The following MCU variants were observed in gnomAD, a reference collection of about 807,000 sequenced individuals.
MCU encodes calcium uniporter protein, mitochondrial.
Under a neutral mutation model 45.2 loss-of-function variants are expected in MCU, and 12 were observed. That is an observed-to-expected ratio of 0.27 (90% CI 0.17 to 0.43). The LOEUF is 0.43. MCU is among the 20% of genes least tolerant of loss of function. The pLI is 1.00. For missense variants in MCU, 324 were observed against 436.7 expected (o/e 0.74, Z 2.30); for synonymous variants, 160 against 165.1 (o/e 0.97, Z 0.24).
intron 1 of MCU, among the ~76,000 whole-genome samples, chr10:72,693,849 C>A (rs181636593): frequency 4.6e-5 from 7 of 152,352 alleles, no homozygotes; most frequent in African/African-American, 1.4e-4. Context: ...CGTCGAACTA[C>A]TTAAAGGCTT....
chr10:72,752,074 C>T (rs185523122), intron 1 of MCU, among the ~76,000 whole-genome samples: 1 of 151,320 alleles, frequency 6.6e-6, no homozygotes, highest in African/African-American at 2.4e-5. Flanking sequence ...CTCCTGACTT[C>T]GTGATCCACC....
At chr10:72,873,104 C>T (rs577779607) in intron 6 of MCU, among the ~76,000 whole-genome samples, 5 of 149,546 alleles carry the variant, frequency 3.3e-5, no homozygotes, top group South Asian at 2.1e-4. Context: ...CTGCAAGCTC[C>T]GCCTCCTGGA....
At chr10:72,828,184 G>A (rs989391961) in intron 1 of MCU, among the ~76,000 whole-genome samples, 1 of 152,058 alleles carries the variant, frequency 6.6e-6, no homozygotes, top group Non-Finnish European at 1.5e-5. Context: ...TATTGAAAGG[G>A]GTTCATTTTT....
chr10:72,705,450 G>T (rs913863230), intron 1 of MCU, among the ~76,000 whole-genome samples: 3 of 152,138 alleles, frequency 2.0e-5, no homozygotes, highest in African/African-American at 7.2e-5. Flanking sequence ...GGGAGGCTGA[G>T]GTGGGTGGAT....
At chr10:72,867,124 A>G (rs1342674822) in intron 4 of MCU, among the ~76,000 whole-genome samples, 1 of 150,616 alleles carries the variant, frequency 6.6e-6, no homozygotes, top group Non-Finnish European at 1.5e-5. Flanking sequence ...CCAATTTGCT[A>G]CCTTCATCTG....
intron 1 of MCU, among the ~76,000 whole-genome samples, chr10:72,794,336 A>G (rs888826975): frequency 2.0e-5 from 3 of 152,194 alleles, no homozygotes; most frequent in Non-Finnish European, 4.4e-5. Flanking sequence ...TCATAGAGTT[A>G]CTGAATGTTA....
At chr10:72,882,825 G>A (rs1266946143) in intron 6 of MCU, among the ~76,000 whole-genome samples, 2 of 152,130 alleles carry the variant, frequency 1.3e-5, no homozygotes, top group Non-Finnish European at 2.9e-5. Flanking sequence ...CCTTTTGAAA[G>A]TCCCTAATAA....
intron 4 of MCU, among the ~76,000 whole-genome samples, chr10:72,865,535 G>A (rs1254487709): frequency 6.6e-6 from 1 of 151,932 alleles, no homozygotes; most frequent in Non-Finnish European, 1.5e-5. Flanking sequence ...TGTTTTCCTT[G>A]ATTTTAAATT....
chr10:72,708,658 A>G (rs1842852937), intron 1 of MCU, among the ~76,000 whole-genome samples: 1 of 152,192 alleles, frequency 6.6e-6, no homozygotes, highest in Non-Finnish European at 1.5e-5. Context: ...TGTGGGTAAC[A>G]CAGCTGTAGA....
chr10:72,699,534 T>G (rs1842730823), intron 1 of MCU, among the ~76,000 whole-genome samples: 1 of 150,804 alleles, frequency 6.6e-6, no homozygotes, highest in African/African-American at 2.4e-5. Context: ...AGAACCTTAG[T>G]GATTAGAGTT....
chr10:72,868,807 A>G lies in MCU; in HGVS notation c.601A>G (p.Arg201Gly). ...TGAGCAGCACCAGTTAAACAAGGAA[A>G]GGGAGCTTATTGAAAGACTAGAGGA... Reference protein sequence around the residue: ...CIEQHQLNKERELIERLEDLK... With the variant: ...CIEQHQLNKEGELIERLEDLK... The change falls in exon 5 of 8, where the codon AGG becomes GGG. Residue 201 changes from arginine (R) to glycine (G), a missense_variant. Transcript: ENST00000373053. 1 of 1,614,222 alleles carries G rather than the reference A, an allele frequency of 6.2e-7. No individual in the cohort carries two copies. The highest frequency in any genetic ancestry group is 8.5e-7 in the Non-Finnish European group (1 of 1,180,032).
At chr10:72,830,273 C>G (rs1265777587) in intron 1 of MCU, among the ~76,000 whole-genome samples, 1 of 152,200 alleles carries the variant, frequency 6.6e-6, no homozygotes, top group African/African-American at 2.4e-5. Flanking sequence ...AACCCATGTT[C>G]TATATCATCT....
At chr10:72,707,720 C>T (rs1198213074) in intron 1 of MCU, among the ~76,000 whole-genome samples, 1 of 151,822 alleles carries the variant, frequency 6.6e-6, no homozygotes, top group African/African-American at 2.4e-5. Flanking sequence ...ATCTGTTCCT[C>T]TTTGTTCCGT....
intron 1 of MCU, among the ~76,000 whole-genome samples, chr10:72,824,724 G>A (rs1844770580): frequency 6.6e-6 from 1 of 152,128 alleles, no homozygotes; most frequent in African/African-American, 2.4e-5. Context: ...ACAACACATG[G>A]GAGGGTAGAG....
intron 1 of MCU, among the ~76,000 whole-genome samples, chr10:72,702,574 A>G (rs985652035): frequency 2.0e-5 from 3 of 152,230 alleles, no homozygotes; most frequent in Non-Finnish European, 4.4e-5. Context: ...TTGTACAAAC[A>G]GACTATAAAT....
intron 1 of MCU, among the ~76,000 whole-genome samples, chr10:72,800,517 A>G (rs1844322630): frequency 6.6e-6 from 1 of 152,214 alleles, no homozygotes; most frequent in African/African-American, 2.4e-5. Context: ...CAGATGGAAA[A>G]GCCTGTTGGT....
chr10:72,839,529 T>C (rs985701493), intron 2 of MCU, among the ~76,000 whole-genome samples: 1 of 152,132 alleles, frequency 6.6e-6, no homozygotes, highest in Non-Finnish European at 1.5e-5. Flanking sequence ...GGCTTATCCA[T>C]GTTGTAGTGT....
At chr10:72,739,053 T>C (rs1589438698) in intron 1 of MCU, among the ~76,000 whole-genome samples, 2 of 152,340 alleles carry the variant, frequency 1.3e-5, no homozygotes, top group Middle Eastern at 6.8e-3. Flanking sequence ...TGTGCACTTA[T>C]ACAGTGTGAA....
At chr10:72,749,759 G>A (rs115797645) in intron 1 of MCU, among the ~76,000 whole-genome samples, 7,965 of 151,948 alleles carry the variant, frequency 0.052, 685 homozygotes, top group African/African-American at 0.18. Context: ...TGCTGTTGTA[G>A]CTTTGCTACC....
Sources: allele counts gnomAD v4.1 joint callset (sites outside exome capture counted in the v4.1 genomes callset), GRCh38; gene constraint gnomAD v4.1.1; transcripts MANE v1.5; gene names NCBI Gene and HGNC (gene_info 2026-07-23, HGNC 2026-07-21).